The following ZFHX3 variants were observed in gnomAD, a reference collection of about 807,000 sequenced individuals.
The protein encoded by ZFHX3 is zinc finger homeobox 3.
Under a neutral mutation model 279.1 loss-of-function variants are expected in ZFHX3, and 42 were observed. The observed-to-expected ratio is 0.15, with a 90% CI of 0.12 to 0.19. The LOEUF (loss-of-function observed/expected upper bound fraction) is 0.19, where lower values mean the gene tolerates loss of function less well. Among genes scored for constraint, ZFHX3 ranks in the 10% least tolerant of loss-of-function variants. The pLI, the probability that ZFHX3 is intolerant of heterozygous loss-of-function variation, is 1.00. For missense variants in ZFHX3, 4,981 were observed against 4,754.0 expected (o/e 1.05, Z -1.40); for synonymous variants, 2,293 against 1,957.8 (o/e 1.17, Z -4.52).
intron 5 of ZFHX3, among the ~76,000 whole-genome samples, chr16:72,819,269 G>A (rs1417543147): frequency 2.7e-5 from 4 of 148,930 alleles, no homozygotes; most frequent in African/African-American, 9.9e-5. Flanking sequence ...CAAGACTTAG[G>A]GCCCTATGCC....
chr16:72,984,507 A>G (rs938271978), intron 1 of ZFHX3, among the ~76,000 whole-genome samples: 4 of 151,824 alleles, frequency 2.6e-5, no homozygotes, highest in Admixed American at 1.3e-4. Flanking sequence ...ACGCCTGTGA[A>G]TCCAGCTACT....
At chr16:72,906,797 AC>A (rs959192536) in intron 3 of ZFHX3, among the ~76,000 whole-genome samples, 7 of 151,768 alleles carry the variant, frequency 4.6e-5, no homozygotes, top group African/African-American at 1.5e-4. Flanking sequence ...GACTCTGTCC[AC>A]CCCCCTTCCC....
intron 1 of ZFHX3, among the ~76,000 whole-genome samples, chr16:73,822,500 T>G (rs995924922): frequency 2.0e-5 from 3 of 151,640 alleles, no homozygotes; most frequent in African/African-American, 7.3e-5. Flanking sequence ...TGACTGTCAT[T>G]GAAAAGCTGC....
At chr16:73,322,609 A>T (rs1421124620) in intron 3 of ZFHX3, among the ~76,000 whole-genome samples, 1 of 152,144 alleles carries the variant, frequency 6.6e-6, no homozygotes, top group Non-Finnish European at 1.5e-5. Context: ...GTGTTTTTGT[A>T]GGGAGCACAG....
intron 1 of ZFHX3, among the ~76,000 whole-genome samples, chr16:72,970,463 T>G (rs913782394): frequency 6.6e-6 from 1 of 152,140 alleles, no homozygotes; most frequent in African/African-American, 2.4e-5. Context: ...ACAAGCATCG[T>G]GTGCCCATGA....
intron 2 of ZFHX3, among the ~76,000 whole-genome samples, chr16:73,592,244 G>A (rs1431352590): frequency 2.0e-5 from 3 of 151,796 alleles, no homozygotes; most frequent in Admixed American, 6.6e-5. Flanking sequence ...ACAAACAAAC[G>A]AAAACAAAAA....
At chr16:73,106,634 G>C (rs1192788318) in intron 7 of ZFHX3, among the ~76,000 whole-genome samples, 1 of 152,202 alleles carries the variant, frequency 6.6e-6, no homozygotes, top group East Asian at 1.9e-4. Context: ...TAGAGAGGCT[G>C]TTGTAATTCT....
At chr16:73,120,455 G>A (rs1212899687) in intron 7 of ZFHX3, among the ~76,000 whole-genome samples, 1 of 151,452 alleles carries the variant, frequency 6.6e-6, no homozygotes, top group African/African-American at 2.4e-5. Flanking sequence ...TTATTTTTTT[G>A]TAGAGACAGG....
chr16:73,430,170 A>G (rs1597332652), intron 3 of ZFHX3, among the ~76,000 whole-genome samples: 1 of 152,136 alleles, frequency 6.6e-6, no homozygotes, highest in East Asian at 1.9e-4. Flanking sequence ...GATTACAGGC[A>G]CGGGTCACCC....
intron 1 of ZFHX3, among the ~76,000 whole-genome samples, chr16:72,981,329 G>A (rs184222194): frequency 1.6e-4 from 25 of 152,220 alleles, no homozygotes; most frequent in Admixed American, 2.6e-4. Context: ...GCAAAAATGC[G>A]CCTGTTTACA....
chr16:73,137,359 T>C (rs974123569), intron 6 of ZFHX3: 1 of 152,160 alleles, frequency 6.6e-6, no homozygotes, highest in Admixed American at 6.5e-5. Flanking sequence ...ATATGGAATA[T>C]GGATGTTGAG....
Position 72,787,136 on chromosome 16 carries a change from A to G in ZFHX3, c.*28T>C. The G allele has an allele frequency of 7.4e-7, 1 of 1,347,064 alleles. No individual in the cohort carries two copies. The highest frequency in any genetic ancestry group is 9.6e-7 in the Non-Finnish European group (1 of 1,041,358). 83.4% of individuals were successfully genotyped at this position (1,347,064 alleles called of 1,614,324 possible). On this transcript the variant is annotated 3_prime_UTR_variant, in exon 10 of 10. Coordinates refer to ENST00000268489, the MANE Select transcript of ZFHX3 (RefSeq NM_006885.4). ...GTTATTAATTTTTGTATTTAAATTC[A>G]TTTGTTTGTATTGTTCATCTTCAAA... is the stretch of plus-strand genomic sequence containing the variant.
chr16:73,721,765 CCAGG>C, intron 1 of ZFHX3, among the ~76,000 whole-genome samples: 1 of 152,266 alleles, frequency 6.6e-6, no homozygotes, highest in Non-Finnish European at 1.5e-5. Flanking sequence ...CACTAGTGGG[CCAGG>C]CACAATGGCT....
intron 5 of ZFHX3, among the ~76,000 whole-genome samples, chr16:73,253,612 C>T (rs567385075): frequency 3.6e-4 from 30 of 82,988 alleles, no homozygotes; most frequent in African/African-American, 1.4e-3. Flanking sequence ...CCACCACGCC[C>T]GGCTAATTTT....
chr16:73,608,155 G>T (rs1342818582), intron 2 of ZFHX3, among the ~76,000 whole-genome samples: 8 of 152,096 alleles, frequency 5.3e-5, no homozygotes, highest in Non-Finnish European at 1.0e-4. Flanking sequence ...TCCCCTCCTA[G>T]ACTGAGGATT....
intron 8 of ZFHX3, among the ~76,000 whole-genome samples, chr16:73,082,161 C>T (rs552413065): frequency 7.2e-5 from 11 of 152,034 alleles, no homozygotes; most frequent in East Asian, 2.0e-4. Context: ...GATTCAACTA[C>T]GAGATAAGGA....
chr16:72,830,865 G>T (rs1265894407), intron 4 of ZFHX3, among the ~76,000 whole-genome samples: 2 of 152,168 alleles, frequency 1.3e-5, no homozygotes, highest in African/African-American at 2.4e-5. Flanking sequence ...GAAATTATTA[G>T]GAGGCTGTGA....
intron 4 of ZFHX3, among the ~76,000 whole-genome samples, chr16:73,273,260 CA>C (rs2014201706): frequency 6.6e-6 from 1 of 152,092 alleles, no homozygotes; most frequent in Non-Finnish European, 1.5e-5. Flanking sequence ...GGCTATGGAT[CA>C]TTTGAAAAAC....
chr16:73,883,030 T>TAA (rs369648811), intron 1 of ZFHX3, among the ~76,000 whole-genome samples: 59 of 147,842 alleles, frequency 4.0e-4, no homozygotes, highest in Middle Eastern at 3.5e-3. Flanking sequence ...TCAAGCTTTT[T>TAA]AAAAAAAAAA....
Sources: gnomAD v4.1 joint callset for allele counts (sites outside exome capture counted in the v4.1 genomes callset) on GRCh38, gnomAD v4.1.1 for gene constraint, MANE v1.5 for transcripts, NCBI Gene and HGNC (gene_info 2026-07-23, HGNC 2026-07-21) for gene names.